AGPAT3: variants seen among roughly 807,000 people sequenced by gnomAD.
The protein encoded by AGPAT3 is 1-acylglycerol-3-phosphate O-acyltransferase 3.
In AGPAT3, 5 loss-of-function variants were observed where a neutral mutation model predicts 47.3. That is an observed-to-expected ratio of 0.11 (90% CI 0.06 to 0.22). AGPAT3 has a LOEUF of 0.22. Among genes scored for constraint, AGPAT3 ranks in the 10% least tolerant of loss-of-function variants. The pLI, the probability that AGPAT3 is intolerant of heterozygous loss-of-function variation, is 1.00. For synonymous variants in AGPAT3, 212 were observed against 208.3 expected (o/e 1.02, Z -0.15); for missense variants, 315 against 493.0 (o/e 0.64, Z 3.42).
At chr21:43,953,293 G>A (rs2088289834) in intron 2 of AGPAT3, among the ~76,000 whole-genome samples, 1 of 152,238 alleles carries the variant, frequency 6.6e-6, no homozygotes, top group Non-Finnish European at 1.5e-5. Context: ...GGGACAGTTG[G>A]TGAAATGGAA....
In AGPAT3 at chr21:43,982,333, G is replaced by A. The variant is rs755088151; in HGVS notation, c.1072G>A (p.Val358Ile). Residue 358 changes from valine to isoleucine, a missense_variant, in exon 10 of 10, where the codon GTA (valine) becomes ATA (isoleucine). Coordinates refer to ENST00000291572, the MANE Select transcript of AGPAT3 (RefSeq NM_020132.5). The surrounding 1 kb of genome is among the most constrained non-coding windows in gnomAD (Gnocchi z 6.2). Reference protein sequence around the residue: ...ASFGVRRLIGVTEIEKGSSYG... With the variant: ...ASFGVRRLIGITEIEKGSSYG... Reference sequence around the variant, plus strand: ...CTTTGGAGTTCGCAGACTGATAGGAGTAACTGAGATAGAAAAAGGCTCCAG... The same window carrying A: ...CTTTGGAGTTCGCAGACTGATAGGAATAACTGAGATAGAAAAAGGCTCCAG... 1.2e-6 allele frequency: 2 copies of A among 1,613,914 alleles called. No individual in the cohort carries two copies. Among genetic ancestry groups the A allele is most frequent in the Admixed American group, 1.7e-5 (1 of 60,006 alleles).
rs2030317745 is a variant in AGPAT3, at chr21:43,986,532, A to G, written c.*4140A>G. 6.5e-6 allele frequency: 1 copy of G among 152,706 alleles called. No individual in the cohort carries two copies. Among genetic ancestry groups the G allele is most frequent in the Admixed American group, 6.5e-5 (1 of 15,284 alleles). 9.5% of individuals were successfully genotyped at this position (152,706 alleles called of 1,614,324 possible). A position where few individuals can be genotyped will look rare whatever the true frequency, so the allele number is the denominator to read the frequency against. On this transcript the variant is annotated 3_prime_UTR_variant, in exon 10 of 10. Transcript: ENST00000291572. The stretch of plus-strand genomic sequence containing the variant: ...CATTAAACTGGAGTTACTTGATACA[A>G]TGAAGAAATGCATCTGATCTACTTG...
chr21:43,868,374 C>T (rs1056824363), intron 1 of AGPAT3, among the ~76,000 whole-genome samples: 1 of 152,096 alleles, frequency 6.6e-6, no homozygotes, highest in African/African-American at 2.4e-5. Context: ...TGGCAGAAAT[C>T]TACCTCCTGG....
At chr21:43,978,238 G>C in intron 8 of AGPAT3, 117 bp downstream of exon 8, 1 of 668,174 alleles carries the variant, frequency 1.5e-6, no homozygotes, top group Middle Eastern at 4.0e-4. Flanking sequence ...GTGCCACCCA[G>C]GTCCTAAATA....
At chr21:43,898,542 C>G (rs1423599673) in intron 1 of AGPAT3, among the ~76,000 whole-genome samples, 1 of 151,912 alleles carries the variant, frequency 6.6e-6, no homozygotes, top group African/African-American at 2.4e-5. Flanking sequence ...TTTTTTTTTC[C>G]CCAAGACGGA....
At chr21:43,949,605 T>C (rs538239911) in intron 2 of AGPAT3, among the ~76,000 whole-genome samples, 6 of 152,332 alleles carry the variant, frequency 3.9e-5, no homozygotes, top group Non-Finnish European at 7.4e-5. Flanking sequence ...GTAGACTCCA[T>C]GTCTTGGCAG....
intron 2 of AGPAT3, among the ~76,000 whole-genome samples, chr21:43,937,595 C>T (rs1213040906): frequency 6.6e-6 from 1 of 152,076 alleles, no homozygotes; most frequent in African/African-American, 2.4e-5. Flanking sequence ...ACAGGGTCTC[C>T]CTCTGTCACT....
In AGPAT3 at chr21:43,952,392, T is replaced by C. The variant is rs961340631; in HGVS notation, c.-48-7242T>C. On this transcript the variant is annotated intron_variant, in intron 2 of 9. Coordinates refer to ENST00000291572, the MANE Select transcript of AGPAT3 (RefSeq NM_020132.5). The surrounding 1 kb of genome is among the most constrained non-coding windows in gnomAD (Gnocchi z 5.6). ...AGGTCACATTTCGAGGACCTGGGCA[T>C]TACCTTTGTGGAAGGAACTCAGTTC... Among the ~76,000 whole-genome samples, 1 of 152,232 alleles carries C rather than the reference T, an allele frequency of 6.6e-6. No homozygotes were observed. The highest frequency in any genetic ancestry group is 6.5e-5 in the Admixed American group (1 of 15,286).
At chr21:43,886,611 C>A (rs907193874) in intron 1 of AGPAT3, among the ~76,000 whole-genome samples, 1 of 152,168 alleles carries the variant, frequency 6.6e-6, no homozygotes, top group Non-Finnish European at 1.5e-5. Context: ...CCTCCCTCTA[C>A]CCCCATATCC....
intron 1 of AGPAT3, among the ~76,000 whole-genome samples, chr21:43,894,590 A>G (rs1462938592): frequency 2.0e-5 from 3 of 152,188 alleles, no homozygotes; most frequent in East Asian, 1.9e-4. Flanking sequence ...CTTCTCTGCT[A>G]TCTATTTTGA....
chr21:43,957,627 T>A lies in AGPAT3; in HGVS notation c.-48-2007T>A, dbSNP rs559486839. On this transcript the variant is annotated intron_variant, in intron 2 of 9. Coordinates refer to ENST00000291572, the MANE Select transcript of AGPAT3 (RefSeq NM_020132.5). ...CACGCGGGGGTCTCGGGTTTCCCCCTGCACACAGGGATCTCGGGTTTCCCC... is the reference window on the plus strand; with the variant it reads ...CACGCGGGGGTCTCGGGTTTCCCCCAGCACACAGGGATCTCGGGTTTCCCC... Among the ~76,000 whole-genome samples the A allele has an allele frequency of 3.5e-5, 5 of 142,982 alleles. No homozygotes were observed. In the South Asian group the frequency reaches 1.1e-3, roughly 33 times the overall value. The allele number at this position is 142,982 out of a possible 152,430, so 93.8% of individuals were successfully genotyped here.
At chr21:43,918,008 T>G (rs1459938476) in intron 2 of AGPAT3, among the ~76,000 whole-genome samples, 6 of 108,908 alleles carry the variant, frequency 5.5e-5, no homozygotes, top group African/African-American at 1.1e-4. Context: ...GGGTTGTGGG[T>G]GTTGTGGATG....
intron 1 of AGPAT3, among the ~76,000 whole-genome samples, chr21:43,879,922 G>T (rs1026727774): frequency 6.6e-6 from 1 of 152,182 alleles, no homozygotes; most frequent in African/African-American, 2.4e-5. Context: ...GTGAGCTCCC[G>T]TGTCCCCGCA....
At chr21:43,910,167 T>G (rs2086599276) in intron 2 of AGPAT3, among the ~76,000 whole-genome samples, 1 of 152,226 alleles carries the variant, frequency 6.6e-6, no homozygotes, top group Admixed American at 6.5e-5. Context: ...CAGAGAGGGA[T>G]GGAGACGGCC....
intron 1 of AGPAT3, among the ~76,000 whole-genome samples, chr21:43,883,669 C>T (rs2085903093): frequency 6.6e-6 from 1 of 152,244 alleles, no homozygotes; most frequent in South Asian, 2.1e-4. Flanking sequence ...TCTCGGCTCA[C>T]TGCAGCCTCT....
intron 1 of AGPAT3, among the ~76,000 whole-genome samples, chr21:43,895,357 C>T (rs2086192059): frequency 6.6e-6 from 1 of 152,090 alleles, no homozygotes; most frequent in Non-Finnish European, 1.5e-5. Context: ...AGTCCGCCCG[C>T]CTTGGCCTCC....
chr21:43,967,179 C>T (rs1359583865), intron 3 of AGPAT3: 1 of 152,338 alleles, frequency 6.6e-6, no homozygotes, highest in African/African-American at 2.4e-5. Context: ...CTCCACACTT[C>T]TGGGAAGAGT....
intron 1 of AGPAT3, among the ~76,000 whole-genome samples, chr21:43,881,956 C>T (rs2123588876): frequency 6.6e-6 from 1 of 152,378 alleles, no homozygotes; most frequent in East Asian, 1.9e-4. Context: ...CATGCACGGC[C>T]TATTAAAAAC....
chr21:43,983,584 G>T lies in AGPAT3; in HGVS notation c.*1192G>T, dbSNP rs1015760140. 6.6e-6 allele frequency: 1 copy of T among 152,244 alleles called. No individual in the cohort carries two copies. Among genetic ancestry groups the T allele is most frequent in the Non-Finnish European group, 1.5e-5 (1 of 68,068 alleles). The allele number at this position is 152,244 out of a possible 1,614,324, so 9.4% of individuals were successfully genotyped here. ...GAGTCCAGGCAGAGCAGAGGGCAGC[G>T]CTCGGCCGGTCATGCTGGCTCCCTT... On this transcript the variant is annotated 3_prime_UTR_variant, in exon 10 of 10. Coordinates refer to ENST00000291572, the MANE Select transcript of AGPAT3 (RefSeq NM_020132.5).
Sources: gnomAD v4.1 joint callset for allele counts (sites outside exome capture counted in the v4.1 genomes callset) on GRCh38, gnomAD v4.1.1 for gene constraint, Gnocchi (gnomAD v3.1) non-coding constraint, MANE v1.5 for transcripts, NCBI Gene and HGNC (gene_info 2026-07-23, HGNC 2026-07-21) for gene names.